The following SEPTIN14 variants were observed in gnomAD, a reference collection of about 807,000 sequenced individuals.
SEPTIN14 encodes septin 14.
In SEPTIN14, 40 loss-of-function variants were observed where a neutral mutation model predicts 53.6. That is an observed-to-expected ratio of 0.75 (90% CI 0.58 to 0.97). The LOEUF (loss-of-function observed/expected upper bound fraction) is 0.97. SEPTIN14 is among the 50% of genes least tolerant of loss of function. SEPTIN14 has a pLI of 0.00. For synonymous variants in SEPTIN14, 138 were observed against 166.8 expected (o/e 0.83, Z 1.33); for missense variants, 471 against 508.2 (o/e 0.93, Z 0.70).
chr7:55,819,090 C>T, intron 7 of SEPTIN14, 37 bp downstream of exon 7: 2 of 1,165,180 alleles, frequency 1.7e-6, no homozygotes, highest in Non-Finnish European at 2.5e-6. Flanking sequence ...ATATATTTAA[C>T]TTAATCATTC....
chr7:55,860,087 G>T (rs997122459), intron 2 of SEPTIN14, among the ~76,000 whole-genome samples: 2 of 148,308 alleles, frequency 1.3e-5, no homozygotes, highest in Non-Finnish European at 3.0e-5. Context: ...GCTGCGGCAG[G>T]AGAATCAATT....
At chr7:55,845,834 G>A (rs949740127) in intron 3 of SEPTIN14, among the ~76,000 whole-genome samples, 2 of 151,018 alleles carry the variant, frequency 1.3e-5, no homozygotes, top group Non-Finnish European at 3.0e-5. Flanking sequence ...CGGATCACGA[G>A]GTCAGGAGAT....
At chr7:55,800,296 C>T (rs368696439) in intron 9 of SEPTIN14, among the ~76,000 whole-genome samples, 1 of 152,164 alleles carries the variant, frequency 6.6e-6, no homozygotes, top group Non-Finnish European at 1.5e-5. Flanking sequence ...AAACTTCACA[C>T]GTTCTCACTT....
intron 3 of SEPTIN14, among the ~76,000 whole-genome samples, chr7:55,845,845 C>A (rs1436660506): frequency 6.8e-6 from 1 of 147,596 alleles, no homozygotes; most frequent in South Asian, 2.2e-4. Flanking sequence ...GTCAGGAGAT[C>A]GAGACCATCC....
At chr7:55,861,834 C>T in intron 2 of SEPTIN14, 109 bp downstream of exon 2, 1 of 645,732 alleles carries the variant, frequency 1.5e-6, no homozygotes, top group Non-Finnish European at 2.5e-6. Context: ...ACATAACAAA[C>T]AAGACTTTAT....
At chr7:55,822,659 C>A (rs1263147089) in intron 6 of SEPTIN14, among the ~76,000 whole-genome samples, 3 of 152,050 alleles carry the variant, frequency 2.0e-5, no homozygotes, top group Non-Finnish European at 4.4e-5. Context: ...ACAAGATATT[C>A]TTTTCAATAA....
intron 7 of SEPTIN14, among the ~76,000 whole-genome samples, chr7:55,809,253 C>T (rs1788657049): frequency 1.3e-5 from 2 of 150,430 alleles, no homozygotes; most frequent in South Asian, 4.2e-4. Flanking sequence ...GACACTGGGG[C>T]CTCCTTGAGG....
chr7:55,857,650 C>T (rs1427500156), intron 2 of SEPTIN14, among the ~76,000 whole-genome samples: 2 of 127,616 alleles, frequency 1.6e-5, no homozygotes, highest in Non-Finnish European at 3.1e-5. Flanking sequence ...TGCAGTGGCA[C>T]GATCTCGGCT....
intron 2 of SEPTIN14, among the ~76,000 whole-genome samples, chr7:55,854,487 T>C (rs1366117466): frequency 1.3e-5 from 2 of 151,952 alleles, no homozygotes; most frequent in Admixed American, 6.6e-5. Flanking sequence ...TGGAGTGCAG[T>C]AGTGCGATCT....
chr7:55,853,383 T>C (rs1291458508), intron 2 of SEPTIN14, among the ~76,000 whole-genome samples: 7 of 152,192 alleles, frequency 4.6e-5, no homozygotes, highest in Admixed American at 4.6e-4. Flanking sequence ...TCCAACAACA[T>C]GGATGGAACC....
intron 6 of SEPTIN14, among the ~76,000 whole-genome samples, chr7:55,824,842 A>T (rs1356787508): frequency 6.6e-6 from 1 of 152,078 alleles, no homozygotes; most frequent in Non-Finnish European, 1.5e-5. Flanking sequence ...CCAAACACTG[A>T]CAACACCAAA....
At chr7:55,856,652 G>A (rs892874975) in intron 2 of SEPTIN14, among the ~76,000 whole-genome samples, 7 of 152,036 alleles carry the variant, frequency 4.6e-5, no homozygotes, top group South Asian at 4.2e-4. Context: ...CTTGGCCTCC[G>A]AAAGTGCTGG....
intron 6 of SEPTIN14, among the ~76,000 whole-genome samples, chr7:55,830,237 G>GTAC (rs1789077091): frequency 6.7e-6 from 1 of 148,252 alleles, no homozygotes; most frequent in African/African-American, 2.5e-5. Flanking sequence ...CTTACATGTA[G>GTAC]GCTCAATCTT....
Position 55,807,143 on chromosome 7 carries a change from T to C in SEPTIN14, c.933A>G (p.Gln311=). Residue 311 remains glutamine (Q), a synonymous_variant, in exon 8 of 10, where the codon CAA becomes CAG. Transcript: ENST00000388975. ...CTGTAAAGCCCATTTTCTGCAGTTTTTGGTACCTATAACATTCATAGTGCT... is the reference window on the plus strand; with the variant it reads ...CTGTAAAGCCCATTTTCTGCAGTTTCTGGTACCTATAACATTCATAGTGCT... The part of the protein sequence containing the change: ...HTQHYECYRY[Q]KLQKMGFTDV... 7 of 1,607,218 alleles carry C rather than the reference T, an allele frequency of 4.4e-6. No individual in the cohort carries two copies. The highest frequency in any genetic ancestry group is 5.9e-6 in the Non-Finnish European group (7 of 1,177,986).
In SEPTIN14 at chr7:55,846,563, C is replaced by T. The variant is rs369713476; in HGVS notation, c.129G>A (p.Val43=). 67 of 1,594,272 alleles carry T rather than the reference C, an allele frequency of 4.2e-5. No individual in the cohort carries two copies. The African/African-American group carries it at 8.9e-4, about 21-fold the overall frequency. Reference sequence around the variant, plus strand: ...TGAATCCTTGTCGGATAGATCTGCTCACCAACTGATTGGGCAAACATTCAA... The same window carrying T: ...TGAATCCTTGTCGGATAGATCTGCTTACCAACTGATTGGGCAAACATTCAA... The part of the protein sequence containing the change: ...FGFECLPNQL[V]SRSIRQGFTF... The change falls in exon 3 of 10, where the codon GTG becomes GTA. Residue 43 remains valine, a synonymous_variant. Coordinates refer to ENST00000388975, the MANE Select transcript of SEPTIN14 (RefSeq NM_207366.3).
chr7:55,838,141 A>C (rs73132813), intron 5 of SEPTIN14, among the ~76,000 whole-genome samples: 21,108 of 152,248 alleles, frequency 0.14, 1,887 homozygotes, highest in Non-Finnish European at 0.2. Context: ...ACAGAGTCTC[A>C]TATCGATTTT....
chr7:55,806,005 T>C (rs1398771621), intron 8 of SEPTIN14, among the ~76,000 whole-genome samples: 2 of 148,588 alleles, frequency 1.3e-5, no homozygotes, highest in Admixed American at 6.7e-5. Flanking sequence ...CCTATTCTTC[T>C]TTTTTTTTTG....
intron 5 of SEPTIN14, among the ~76,000 whole-genome samples, chr7:55,841,479 G>A (rs558586886): frequency 1.3e-5 from 2 of 152,128 alleles, no homozygotes; most frequent in African/African-American, 4.8e-5. Flanking sequence ...TCACGCTTTG[G>A]GAGGCTGAGG....
chr7:55,802,939 A>ATTTT (rs552397102), intron 9 of SEPTIN14, among the ~76,000 whole-genome samples: 1 of 148,862 alleles, frequency 6.7e-6, no homozygotes, highest in African/African-American at 2.5e-5. Context: ...ATGAAACTGA[A>ATTTT]CTTTTTTTTT....
Sources: gnomAD v4.1 joint callset for allele counts (sites outside exome capture counted in the v4.1 genomes callset) on GRCh38, gnomAD v4.1.1 for gene constraint, MANE v1.5 for transcripts, NCBI Gene and HGNC (gene_info 2026-07-23, HGNC 2026-07-21) for gene names.